Variants in LMO7 observed in about 807,000 individuals in gnomAD.
The protein encoded by LMO7 is LIM domain 7, also known as LIM domain only protein 7.
LMO7 carries 120 observed loss-of-function variants against 206.5 expected under a neutral mutation model. The ratio of observed to expected loss-of-function variants is 0.58; its 90% CI spans 0.50 to 0.68. The LOEUF is 0.68. Ranked by LOEUF, LMO7 falls within the 30% of genes least tolerant of loss-of-function variation. LMO7 has a pLI of 0.00. For missense variants in LMO7, 1,959 were observed against 1,957.9 expected, an observed-to-expected ratio of 1.00 and a Z score of -0.01; for synonymous variants, 706 against 681.5, an observed-to-expected ratio of 1.04 and a Z score of -0.56.
chr13:75,665,985 T>G (rs2039042369), intron 1 of LMO7, among the ~76,000 whole-genome samples: 1 of 152,222 alleles, frequency 6.6e-6, no homozygotes, highest in African/African-American at 2.4e-5. Flanking sequence ...TAGAAGATAT[T>G]CAGAAGAAAA....
chr13:75,802,123 A>G (rs2054829287), intron 7 of LMO7, among the ~76,000 whole-genome samples: 1 of 152,236 alleles, frequency 6.6e-6, no homozygotes. Flanking sequence ...TGAAACTTAT[A>G]TAAATACAAC....
At chr13:75,824,545 G>A (rs1288730242) in intron 15 of LMO7, among the ~76,000 whole-genome samples, 1 of 152,096 alleles carries the variant, frequency 6.6e-6, no homozygotes, top group Non-Finnish European at 1.5e-5. Context: ...ATTTCTAATA[G>A]ATGACTTCTA....
At chr13:75,810,021 G>A (rs763978356) in intron 11 of LMO7, among the ~76,000 whole-genome samples, 18 of 151,964 alleles carry the variant, frequency 1.2e-4, no homozygotes, top group African/African-American at 3.4e-4. Flanking sequence ...TAGTAGAGAC[G>A]GGGTTTCACC....
rs143694035 is a variant in LMO7, at chr13:75,760,335, C to G, written c.211-597C>G. ...TGAGTAATGTGCCACACAAACTATG[C>G]AATTTAGCCAATGAACACTAGGTTT... On this transcript the variant is annotated intron_variant, in intron 3 of 30. Transcript: ENST00000377534. 2.0e-5 allele frequency: 20 copies of G among 994,328 alleles called. No homozygotes were observed. In the East Asian group the frequency reaches 1.9e-3, roughly 97 times the overall value. 61.6% of individuals were successfully genotyped at this position (994,328 alleles called of 1,614,324 possible).
At chr13:75,690,731 C>T (rs1365283334) in intron 1 of LMO7, among the ~76,000 whole-genome samples, 4 of 152,200 alleles carry the variant, frequency 2.6e-5, no homozygotes, top group Non-Finnish European at 4.4e-5. Flanking sequence ...GTTTGGCCCA[C>T]AGGCTCTAGT....
chr13:75,674,179 C>T (rs776770618), intron 1 of LMO7, among the ~76,000 whole-genome samples: 1 of 152,290 alleles, frequency 6.6e-6, no homozygotes, highest in Non-Finnish European at 1.5e-5. Context: ...CAATAGAAGA[C>T]AGTGACTTTA....
At chr13:75,736,116 A>C (rs567671305) in intron 3 of LMO7, among the ~76,000 whole-genome samples, 3 of 152,252 alleles carry the variant, frequency 2.0e-5, no homozygotes, top group Admixed American at 1.3e-4. Flanking sequence ...TTTAAATTCA[A>C]AGATCTCTCC....
At chr13:75,698,990 C>T (rs1300592884) in intron 1 of LMO7, among the ~76,000 whole-genome samples, 3 of 152,194 alleles carry the variant, frequency 2.0e-5, no homozygotes, top group African/African-American at 7.2e-5. Flanking sequence ...CCCCTAGCCC[C>T]TGACAACCAT....
intron 7 of LMO7, 35 bp downstream of exon 7, chr13:75,800,917 A>G (rs2140926355): frequency 6.3e-7 from 1 of 1,591,862 alleles, no homozygotes; most frequent in Non-Finnish European, 8.6e-7. Context: ...TTATTTGTTC[A>G]CATATTAAGG....
rs1354275540 is a variant in LMO7 at position 75,625,091 on chromosome 13, A to G, written c.225+1771A>G. 2.6e-5 allele frequency among the ~76,000 whole-genome samples: 4 copies of G among 152,110 alleles called. No homozygotes were observed. The East Asian group carries it at 7.7e-4, about 29-fold the overall frequency. Reference sequence around the variant, plus strand: ...TGATTTCTTTTGGTCTTCTCTGAGTACCTTTTGAATAAAACACATTCACAC... The same window carrying G: ...TGATTTCTTTTGGTCTTCTCTGAGTGCCTTTTGAATAAAACACATTCACAC... On this transcript the variant is annotated intron_variant, in intron 2 of 29. Transcript: ENST00000341547.
intron 11 of LMO7, chr13:75,816,929 A>G: frequency 3.1e-6 from 1 of 321,350 alleles, no homozygotes; most frequent in Non-Finnish European, 5.7e-6. Flanking sequence ...TTTTTTTGAG[A>G]CTTGTATAGG....
Position 75,663,432 on chromosome 13 carries a change from C to CTTTCTT in LMO7, c.69+26709_69+26710insCTTTTT, listed in dbSNP as rs1555289857. On this transcript the variant is annotated intron_variant, in intron 1 of 30. Transcript: ENST00000377534. ...TTTTTCTTTCTTTCTTTCTTTCTTTCTTTTTTTTTTTTTTTTGAGACGGAG... is the reference window on the plus strand; with the variant it reads ...TTTTTCTTTCTTTCTTTCTTTCTTTCTTTCTTTTTTTTTTTTTTTTTTGAGACGGAG... Among the ~76,000 whole-genome samples the CTTTCTT allele has an allele frequency of 1.7e-3, 186 of 111,382 alleles. 3 individuals are homozygous for CTTTCTT. Among genetic ancestry groups the CTTTCTT allele is most frequent in the South Asian group, 3.2e-3 (11 of 3,438 alleles). The allele number at this position is 111,382 out of a possible 152,430, so 73.1% of individuals were successfully genotyped here.
intron 1 of LMO7, among the ~76,000 whole-genome samples, chr13:75,686,171 A>G (rs1172119472): frequency 6.6e-6 from 1 of 151,894 alleles, no homozygotes; most frequent in Non-Finnish European, 1.5e-5. Flanking sequence ...GTATTAGTCC[A>G]TTTTCACGCT....
chr13:75,790,033 C>T (rs947042076), intron 4 of LMO7, among the ~76,000 whole-genome samples: 3 of 152,118 alleles, frequency 2.0e-5, no homozygotes, highest in African/African-American at 4.8e-5. Context: ...AATAATACCA[C>T]GCCAGTGTGC....
intron 6 of LMO7, 102 bp downstream of exon 6, chr13:75,796,851 A>T: frequency 1.4e-6 from 1 of 732,392 alleles, no homozygotes; most frequent in Non-Finnish European, 2.4e-6. Context: ...TATAACAAAT[A>T]TGGCAACTCC....
intron 30 of LMO7, 57 bp downstream of exon 30, chr13:75,856,665 C>A: frequency 1.0e-6 from 1 of 1,001,100 alleles, no homozygotes; most frequent in South Asian, 1.3e-5. Flanking sequence ...CACGGGTTCC[C>A]ATGCATTTCC....
intron 1 of LMO7, among the ~76,000 whole-genome samples, chr13:75,696,334 G>A (rs776660601): frequency 2.6e-5 from 4 of 151,552 alleles, no homozygotes; most frequent in Admixed American, 6.6e-5. Context: ...CAGCCTGGGC[G>A]ACAGAGTGAG....
rs1190915992 is a variant in LMO7, at chr13:75,819,215, CAT to C, written c.2065-177_2065-176del. The C allele has an allele frequency of 2.4e-4, 133 of 560,000 alleles. 1 individual carries two copies. Among genetic ancestry groups the C allele is most frequent in the Non-Finnish European group, 3.6e-4 (122 of 338,282 alleles). 34.7% of individuals were successfully genotyped at this position (560,000 alleles called of 1,614,324 possible). Reference sequence around the variant, plus strand: ...TTAGGTCAGGTTTTTGAGACAGACACATGAGATAAAGGCTTGGTACAGAAACG... The same window carrying C: ...TTAGGTCAGGTTTTTGAGACAGACACGAGATAAAGGCTTGGTACAGAAACG... On this transcript the variant is annotated intron_variant, in intron 12 of 30. Coordinates refer to ENST00000377534, the MANE Select transcript of LMO7 (RefSeq NM_001306080.2).
chr13:75,701,838 G>C (rs180970229), intron 1 of LMO7, among the ~76,000 whole-genome samples: 1 of 152,076 alleles, frequency 6.6e-6, no homozygotes, highest in Non-Finnish European at 1.5e-5. Context: ...ATGTGTTTTC[G>C]GTGAACTTAC....
Sources: allele counts gnomAD v4.1 joint callset (sites outside exome capture counted in the v4.1 genomes callset), GRCh38; gene constraint gnomAD v4.1.1; transcripts MANE v1.5; gene names NCBI Gene and HGNC (gene_info 2026-07-23, HGNC 2026-07-21).